The following TRMT1 variants were observed in gnomAD, a reference collection of about 807,000 sequenced individuals.
TRMT1 encodes the protein tRNA (guanine(26)-N(2))-dimethyltransferase.
In TRMT1, 63 loss-of-function variants were observed where a neutral mutation model predicts 75.4. The observed-to-expected ratio is 0.84, with a 90% CI of 0.68 to 1.03. TRMT1 has a LOEUF of 1.03. TRMT1 is among the 50% of genes least tolerant of loss of function. The pLI is 0.00. For synonymous variants in TRMT1, 382 were observed against 358.1 expected (o/e 1.07, Z -0.75); for missense variants, 870 against 905.3 (o/e 0.96, Z 0.50).
At chr19:13,107,881 G>A (rs769689982) in intron 12 of TRMT1, 22 bp from the exon 13 acceptor site, 61 of 1,548,534 alleles carry the variant, frequency 3.9e-5, no homozygotes, top group Non-Finnish European at 4.5e-5. Context: ...CAGGGATTAT[G>A]AGGGAGATGC....
intron 5 of TRMT1, among the ~76,000 whole-genome samples, chr19:13,114,970 CGG>C (rs2019280547): frequency 6.6e-6 from 1 of 152,178 alleles, no homozygotes; most frequent in Non-Finnish European, 1.5e-5. Context: ...TTCTTGAAAA[CGG>C]TGCCTGACAC....
At position 13,116,272 on chromosome 19, in the gene TRMT1, G is replaced by A. The variant is rs370421348; in HGVS notation, c.128C>T (p.Pro43Leu). ...TTCACGTGGACGTTCTTCTCCGTAG[G>A]GCCCGGTGCCGTTCTCCATCGCTGC... The part of the protein sequence containing the change: ...NTAAMENGTG[P>L]YGEERPREVQ... The change falls in exon 2 of 17, where the codon CCC (proline) becomes CTC (leucine). Residue 43 changes from proline to leucine, a missense_variant. Physicochemically the swap from Pro to Leu is moderately conservative, Grantham distance 98. Coordinates refer to ENST00000357720, the MANE Select transcript of TRMT1 (RefSeq NM_001136035.4). 6.2e-7 allele frequency: 1 copy of A among 1,614,146 alleles called. No homozygotes were observed. The highest frequency in any genetic ancestry group is 8.5e-7 in the Non-Finnish European group (1 of 1,180,042).
At position 13,105,074 on chromosome 19, in the gene TRMT1, C is replaced by T; in HGVS notation, c.1841G>A (p.Cys614Tyr). The change falls in exon 17 of 17, where the codon TGT becomes TAT. Residue 614 changes from cysteine to tyrosine, a missense_variant. Coordinates refer to ENST00000357720, the MANE Select transcript of TRMT1 (RefSeq NM_001136035.4). ...GTAGCAGCACTGGTCCCCGCGTTGA[C>T]AGGTGCCCTGGTGGGAAGATGGTGG... ...FPCKRFKEGT[C>Y]QRGDQCCYSH... The T allele has an allele frequency of 6.3e-7, 1 of 1,587,162 alleles. No individual in the cohort carries two copies. Among genetic ancestry groups the T allele is most frequent in the Non-Finnish European group, 8.6e-7 (1 of 1,165,218 alleles).
chr19:13,113,203 A>G (rs776358273), intron 5 of TRMT1, among the ~76,000 whole-genome samples, 192 bp from the exon 6 acceptor site: 2 of 152,084 alleles, frequency 1.3e-5, no homozygotes, highest in Non-Finnish European at 2.9e-5. Context: ...TCTGTCAGCC[A>G]GCTGGAGTGC....
chr19:13,105,036 G>C lies in TRMT1; in HGVS notation c.1879C>G (p.Pro627Ala), dbSNP rs772280411. The C allele has an allele frequency of 6.2e-7, 1 of 1,609,494 alleles. No individual in the cohort carries two copies. The highest frequency in any genetic ancestry group is 2.2e-5 in the East Asian group (1 of 44,846). Residue 627 changes from proline to alanine, a missense_variant, in exon 17 of 17, where the codon CCG becomes GCG. Coordinates refer to ENST00000357720, the MANE Select transcript of TRMT1 (RefSeq NM_001136035.4). ...GCATCAGCAGAAACCCTGGGTGTCGGGGGGCTGTGGGAGTAGCAGCACTGG... is the reference window on the plus strand; with the variant it reads ...GCATCAGCAGAAACCCTGGGTGTCGCGGGGCTGTGGGAGTAGCAGCACTGG... ...GDQCCYSHSP[P>A]TPRVSADAAP...
chr19:13,105,725 A>G lies in TRMT1; in HGVS notation c.1584-119T>C. Reference sequence around the variant, plus strand: ...GCACGAGGTGTCTGCTCATGTCAGGATTCTCTCATTCATCTAATAAACATT... The same window carrying G: ...GCACGAGGTGTCTGCTCATGTCAGGGTTCTCTCATTCATCTAATAAACATT... On this transcript the variant is annotated intron_variant, in intron 14 of 16. Coordinates refer to ENST00000357720, the MANE Select transcript of TRMT1 (RefSeq NM_001136035.4). The G allele has an allele frequency of 2.9e-6, 3 of 1,030,942 alleles. No homozygotes were observed. In the East Asian group the frequency reaches 7.6e-5, roughly 26 times the overall value. 63.9% of individuals were successfully genotyped at this position (1,030,942 alleles called of 1,614,324 possible). A position where few individuals can be genotyped will look rare whatever the true frequency, so the allele number is the denominator to read the frequency against.
Position 13,112,599 on chromosome 19 carries a change from TG to T in TRMT1, c.870+105del, listed in dbSNP as rs1293636997. 3.7e-6 allele frequency: 4 copies of T among 1,077,606 alleles called. No homozygotes were observed. The East Asian group carries it at 9.5e-5, about 26-fold the overall frequency. 66.8% of individuals were successfully genotyped at this position (1,077,606 alleles called of 1,614,324 possible). On this transcript the variant is annotated intron_variant, in intron 7 of 16. Coordinates refer to ENST00000357720, the MANE Select transcript of TRMT1 (RefSeq NM_001136035.4). ...CCTGGGATGCATCTGGCCATCAGCCTGGAGGAAGCTGAGCAGGTCTGAGGAG... is the reference window on the plus strand; with the variant it reads ...CCTGGGATGCATCTGGCCATCAGCCTGAGGAAGCTGAGCAGGTCTGAGGAG...
At chr19:13,115,818 G>A in intron 3 of TRMT1, 50 bp from the exon 4 acceptor site, 1 of 1,611,734 alleles carries the variant, frequency 6.2e-7, no homozygotes, top group Non-Finnish European at 8.5e-7. Context: ...TCCCCTCTGA[G>A]AAACCTCCCC....
chr19:13,114,760 G>T (rs2019271503), intron 5 of TRMT1, among the ~76,000 whole-genome samples: 1 of 152,212 alleles, frequency 6.6e-6, no homozygotes, highest in African/African-American at 2.4e-5. Context: ...GGAATGGCTT[G>T]AACCCGGGAG....
rs2018810824 is a variant in TRMT1 at position 13,105,368 on chromosome 19, C to CAG, written c.1731_1732insCT (p.Glu578LeufsTer82). 6.2e-7 allele frequency: 1 copy of CAG among 1,613,792 alleles called. No individual in the cohort carries two copies. The highest frequency in any genetic ancestry group is 8.5e-7 in the Non-Finnish European group (1 of 1,180,040). On this transcript the variant is annotated frameshift_variant, in exon 16 of 17. Coordinates refer to ENST00000357720, the MANE Select transcript of TRMT1 (RefSeq NM_001136035.4). LOFTEE classifies it high-confidence loss of function. ...TTGTTCTGAAGCAGCCTGCGTCTCT[C>CAG]CTCCATAGCTTCGTCGGCCGCCTTG...
Position 13,105,093 on chromosome 19 carries a change from ATGG to A in TRMT1, c.1834-15_1834-13del. ...CGTTGACAGGTGCCCTGGTGGGAAG[ATGG>A]TGGGTGTGAACCCCTGCCCGGAGCT... On this transcript the variant is annotated splice_polypyrimidine_tract_variant and intron_variant, in intron 16 of 16. Transcript: ENST00000357720. 1 of 1,575,352 alleles carries A rather than the reference ATGG, an allele frequency of 6.3e-7. No individual in the cohort carries two copies. Among genetic ancestry groups the A allele is most frequent in the Non-Finnish European group, 8.6e-7 (1 of 1,159,686 alleles).
In TRMT1 at chr19:13,109,964, C is replaced by G; in HGVS notation, c.1057G>C (p.Ala353Pro). ...TTGCCGAGACGCTGAAGGTGGAAGG[C>G]CCCGCAGCCCACACACTGGAACACC... ...ALVFQCVGCG[A>P]FHLQRLGKAS... is the part of the protein sequence containing the mutation. The change falls in exon 9 of 17, where the codon GCC becomes CCC. Residue 353 changes from alanine (A) to proline (P), a missense_variant. By Grantham distance (27) the Ala-to-Pro change is conservative. Coordinates refer to ENST00000357720, the MANE Select transcript of TRMT1 (RefSeq NM_001136035.4). 6.2e-7 allele frequency: 1 copy of G among 1,613,742 alleles called. No homozygotes were observed.
At chr19:13,112,437 GTTGTT>G (rs1030365859) in intron 7 of TRMT1, among the ~76,000 whole-genome samples, 1 of 152,132 alleles carries the variant, frequency 6.6e-6, no homozygotes, top group African/African-American at 2.4e-5. Flanking sequence ...TTTTTGAAAA[GTTGTT>G]TTAATACAGA....
intron 5 of TRMT1, among the ~76,000 whole-genome samples, chr19:13,113,597 G>C (rs1387773746): frequency 6.6e-6 from 1 of 150,890 alleles, no homozygotes; most frequent in Non-Finnish European, 1.5e-5. Context: ...GTTTATAGAT[G>C]TATTAACACA....
intron 7 of TRMT1, 33 bp downstream of exon 7, chr19:13,112,672 G>T (rs775406867): frequency 1.4e-5 from 22 of 1,595,912 alleles, no homozygotes; most frequent in Non-Finnish European, 1.9e-5. Context: ...CTGTCCCCCG[G>T]TCTCCCTGGC....
In TRMT1 at chr19:13,115,996, C is replaced by G. The variant is rs2019334828; in HGVS notation, c.310+1G>C. 1 of 1,613,878 alleles carries G rather than the reference C, an allele frequency of 6.2e-7. No homozygotes were observed. Among genetic ancestry groups the G allele is most frequent in the South Asian group, 1.1e-5 (1 of 91,086 alleles). The stretch of plus-strand genomic sequence containing the variant: ...CACCAGAAGCCTGGACCTCCACTCA[C>G]TCTGGATTCCTTTGGCCCCAAGCTG... On this transcript the variant is annotated splice_donor_variant, in intron 3 of 16. Coordinates refer to ENST00000357720, the MANE Select transcript of TRMT1 (RefSeq NM_001136035.4). LOFTEE classifies it high-confidence loss of function.
intron 14 of TRMT1, among the ~76,000 whole-genome samples, chr19:13,107,166 GCT>G (rs1371922627): frequency 2.2e-5 from 3 of 138,968 alleles, no homozygotes; most frequent in African/African-American, 8.2e-5. Context: ...ATGGAGTCTC[GCT>G]CTGTCGCCCA....
Position 13,114,970 on chromosome 19 carries a change from C to T in TRMT1, c.641+309G>A, listed in dbSNP as rs1286010988. Among the ~76,000 whole-genome samples the T allele has an allele frequency of 2.6e-5, 4 of 152,296 alleles. 1 individual carries two copies. Among genetic ancestry groups the T allele is most frequent in the South Asian group, 4.1e-4 (2 of 4,824 alleles). On this transcript the variant is annotated intron_variant, in intron 5 of 16. Coordinates refer to ENST00000357720, the MANE Select transcript of TRMT1 (RefSeq NM_001136035.4). The stretch of plus-strand genomic sequence containing the variant: ...CTGATGCATTTCCAGTTCTTGAAAA[C>T]GGTGCCTGACACATAGCAGACACTG...
At chr19:13,109,085 GGT>G (rs57825932) in intron 12 of TRMT1, among the ~76,000 whole-genome samples, 9,633 of 146,780 alleles carry the variant, frequency 0.066, 1,009 homozygotes, top group African/African-American at 0.23. Flanking sequence ...CAGGCTAATG[GGT>G]GTGTGTGTGT....
Sources: gnomAD v4.1 joint callset for allele counts (sites outside exome capture counted in the v4.1 genomes callset) on GRCh38, gnomAD v4.1.1 for gene constraint, MANE v1.5 for transcripts, NCBI Gene and HGNC (gene_info 2026-07-23, HGNC 2026-07-21) for gene names.